WDR75: variants seen among roughly 807,000 people sequenced by gnomAD.
WDR75 encodes WD repeat-containing protein 75.
In WDR75, 52 loss-of-function variants were observed where a neutral mutation model predicts 106.1. The observed-to-expected ratio is 0.49, with a 90% CI of 0.39 to 0.62. WDR75 has a LOEUF of 0.62. Ranked by LOEUF, WDR75 falls within the 20% of genes least tolerant of loss-of-function variation. The probability of loss-of-function intolerance (pLI) is 0.00; values close to 1 mark genes in which losing one functional copy is unlikely to be tolerated. For missense variants in WDR75, 905 were observed against 970.3 expected, an observed-to-expected ratio of 0.93 and a Z score of 0.89; for synonymous variants, 333 against 335.5, an observed-to-expected ratio of 0.99 and a Z score of 0.08.
intron 18 of WDR75, among the ~76,000 whole-genome samples, chr2:189,471,508 G>T (rs1687120664): frequency 6.6e-6 from 1 of 152,192 alleles, no homozygotes; most frequent in African/African-American, 2.4e-5. Flanking sequence ...TTTCTGTGGA[G>T]TTAATGATTG....
At chr2:189,470,987 T>A in intron 18 of WDR75, 109 bp downstream of exon 18, 1 of 742,012 alleles carries the variant, frequency 1.3e-6, no homozygotes, top group Non-Finnish European at 2.0e-6. Flanking sequence ...AAAATAGAAT[T>A]AAAAGCCATA....
intron 18 of WDR75, among the ~76,000 whole-genome samples, 183 bp downstream of exon 18, chr2:189,471,061 T>C (rs1482923162): frequency 2.0e-5 from 3 of 152,138 alleles, no homozygotes; most frequent in African/African-American, 7.2e-5. Context: ...TTTTAATTTA[T>C]AATATCAGTA....
At position 189,469,430 on chromosome 2, in the gene WDR75, G is replaced by A. The variant is rs764562400; in HGVS notation, c.1810G>A (p.Gly604Ser). 6.2e-7 allele frequency: 1 copy of A among 1,611,058 alleles called. No individual in the cohort carries two copies. The highest frequency in any genetic ancestry group is 8.5e-7 in the Non-Finnish European group (1 of 1,177,476). Residue 604 changes from glycine (G) to serine (S), a missense_variant, in exon 16 of 21, where the codon GGT becomes AGT. Gly to Ser is a moderately conservative substitution (Grantham distance 56). Coordinates refer to ENST00000314761, the MANE Select transcript of WDR75 (RefSeq NM_032168.3). ...NIAAISQSSV[G>S]SDLFVFKPSE... ...TGCTGCAATCTCTCAGTCTTCAGTG[G>A]GTTCAGACTGTAAGTACAAACCACA...
At chr2:189,473,989 CA>C (rs1174076710) in intron 18 of WDR75, among the ~76,000 whole-genome samples, 196 bp from the exon 19 acceptor site, 1 of 152,134 alleles carries the variant, frequency 6.6e-6, no homozygotes, top group Non-Finnish European at 1.5e-5. Context: ...TCTAAGTGTT[CA>C]CTGTTAGCTC....
chr2:189,448,440 G>A lies in WDR75; in HGVS notation c.148G>A (p.Val50Ile), dbSNP rs750483459. The A allele has an allele frequency of 1.2e-6, 2 of 1,613,988 alleles. No homozygotes were observed. The highest frequency in any genetic ancestry group is 3.3e-5 in the Admixed American group (2 of 60,022). ...TTACAGCACAGTTACAGAAGAGTGT[G>A]TACACATACTGCATGGACACAGAAA... ...KVYSTVTEEC[V>I]HILHGHRNLV... Residue 50 changes from valine to isoleucine, a missense_variant, in exon 2 of 21, where the codon GTA becomes ATA. Val to Ile is a conservative substitution (Grantham distance 29). Transcript: ENST00000314761.
chr2:189,458,767 C>A lies in WDR75; in HGVS notation c.584C>A (p.Ser195Ter). The change falls in exon 7 of 21, where the codon TCA (serine) becomes TAA (stop). Residue 195 changes from serine to a stop codon, truncating the protein, a stop_gained. Coordinates refer to ENST00000314761, the MANE Select transcript of WDR75 (RefSeq NM_032168.3). LOFTEE classifies it high-confidence loss of function. ...KKTTSRFTLS[S>*]SRNKKHAKNN... ...TTTTCTCCTAGGTTTACTTTATCATCATCAAGAAATAAGAAGCATGCTAAA... is the reference window on the plus strand; with the variant it reads ...TTTTCTCCTAGGTTTACTTTATCATAATCAAGAAATAAGAAGCATGCTAAA... 1.3e-6 allele frequency: 2 copies of A among 1,583,056 alleles called. No homozygotes were observed. Among genetic ancestry groups the A allele is most frequent in the Non-Finnish European group, 8.6e-7 (1 of 1,163,910 alleles).
At position 189,441,531 on chromosome 2, in the gene WDR75, C is replaced by G. The variant is rs1414530342; in HGVS notation, c.39C>G (p.Gly13=). 6.4e-7 allele frequency: 1 copy of G among 1,565,094 alleles called. No homozygotes were observed. The highest frequency in any genetic ancestry group is 1.7e-4 in the Middle Eastern group (1 of 6,008). The change falls in exon 1 of 21, where the codon GGC becomes GGG. Residue 13 remains glycine, a synonymous_variant. Coordinates refer to ENST00000314761, the MANE Select transcript of WDR75 (RefSeq NM_032168.3). ...EEENIRVVRC[G]GSELNFRRAV... ...AGAACATCCGCGTGGTTCGTTGTGG[C>G]GGCAGCGAGTTGAACTTTAGGAGAG...
chr2:189,444,776 C>T (rs1686460481), intron 1 of WDR75, among the ~76,000 whole-genome samples: 1 of 152,186 alleles, frequency 6.6e-6, no homozygotes, highest in Non-Finnish European at 1.5e-5. Flanking sequence ...TATAGCTCAA[C>T]TCTTCCTACC....
At chr2:189,468,628 C>G in intron 15 of WDR75, 59 bp downstream of exon 15, 1 of 1,564,974 alleles carries the variant, frequency 6.4e-7, no homozygotes, top group South Asian at 1.1e-5. Context: ...TGACATTAAA[C>G]TTTGGCATTT....
At chr2:189,469,929 T>C in intron 16 of WDR75, 147 bp from the exon 17 acceptor site, 1 of 682,808 alleles carries the variant, frequency 1.5e-6, no homozygotes, top group Non-Finnish European at 2.5e-6. Flanking sequence ...ACACAGTAGA[T>C]ACCTCTTGAA....
At chr2:189,445,668 CATGTACCAGTGTT>C (rs1306558125) in intron 1 of WDR75, among the ~76,000 whole-genome samples, 1 of 152,132 alleles carries the variant, frequency 6.6e-6, no homozygotes, top group Non-Finnish European at 1.5e-5. Flanking sequence ...AGTCAATAGT[CATGTACCAGTGTT>C]AATATCTTAG....
chr2:189,474,287 G>A lies in WDR75; in HGVS notation c.2151G>A (p.Glu717=). The A allele has an allele frequency of 1.2e-6, 2 of 1,613,806 alleles. No homozygotes were observed. Among genetic ancestry groups the A allele is most frequent in the South Asian group, 1.1e-5 (1 of 91,010 alleles). The change falls in exon 19 of 21, where the codon GAG becomes GAA. Residue 717 remains glutamate (E), a synonymous_variant. Coordinates refer to ENST00000314761, the MANE Select transcript of WDR75 (RefSeq NM_032168.3). ...AACTAAACGAAACTTTAGAGAATGA[G>A]CTGGTACAACTACCCTTAACAGAAA... ...DEKLNETLEN[E]LVQLPLTENI...
Position 189,474,347 on chromosome 2 carries a change from A to C in WDR75, c.2196+15A>C. ...CAATTAGTGAGGTAAGTAATTATGAAAACCATGTGAAACAGATTAAATGCA... is the reference window on the plus strand; with the variant it reads ...CAATTAGTGAGGTAAGTAATTATGACAACCATGTGAAACAGATTAAATGCA... On this transcript the variant is annotated intron_variant, in intron 19 of 20. Transcript: ENST00000314761. 1.9e-6 allele frequency: 3 copies of C among 1,593,506 alleles called. No homozygotes were observed. Among genetic ancestry groups the C allele is most frequent in the Non-Finnish European group, 2.6e-6 (3 of 1,173,292 alleles).
At chr2:189,451,115 A>G (rs1364067556) in intron 3 of WDR75, 147 bp downstream of exon 3, 4 of 1,114,380 alleles carry the variant, frequency 3.6e-6, no homozygotes, top group Admixed American at 3.9e-5. Flanking sequence ...TAATTTGACT[A>G]TATAAAAATT....
In WDR75 at chr2:189,441,582, T is replaced by A; in HGVS notation, c.86+4T>A. On this transcript the variant is annotated splice_donor_region_variant and intron_variant, in intron 1 of 20. Transcript: ENST00000314761. ...CTGTGTTCTCTGCAGATTCTAAGTATGAGGGGCACCGCGCTTTGTCGGCTG... is the reference window on the plus strand; with the variant it reads ...CTGTGTTCTCTGCAGATTCTAAGTAAGAGGGGCACCGCGCTTTGTCGGCTG... 6.4e-7 allele frequency: 1 copy of A among 1,555,336 alleles called. No individual in the cohort carries two copies. The highest frequency in any genetic ancestry group is 1.2e-5 in the South Asian group (1 of 84,432).
intron 4 of WDR75, 189 bp downstream of exon 4, chr2:189,452,084 G>T: frequency 1.6e-5 from 8 of 501,714 alleles, no homozygotes; most frequent in South Asian, 8.5e-5. Flanking sequence ...AGTGAGGGAG[G>T]GATTATTTTT....
intron 2 of WDR75, chr2:189,450,687 C>CTT: frequency 1.5e-6 from 2 of 1,355,744 alleles, no homozygotes; most frequent in Non-Finnish European, 1.9e-6. Flanking sequence ...TTTCCTCTCT[C>CTT]TTTTAGTTAA....
In WDR75 at chr2:189,475,338, T is replaced by A. The variant is rs1180577901; in HGVS notation, c.2414T>A (p.Ile805Lys). The A allele has an allele frequency of 1.9e-6, 3 of 1,612,684 alleles. No individual in the cohort carries two copies. The highest frequency in any genetic ancestry group is 2.5e-6 in the Non-Finnish European group (3 of 1,179,220). The change falls in exon 21 of 21, where the codon ATA (isoleucine) becomes AAA (lysine). Residue 805 changes from isoleucine to lysine, a missense_variant. Coordinates refer to ENST00000314761, the MANE Select transcript of WDR75 (RefSeq NM_032168.3). ...TSNTGLGEDI[I>K]HQLSKSEEKE... Reference sequence around the variant, plus strand: ...AACACAGGTTTAGGAGAAGACATTATACATCAGTTGTCAAAATCTGAAGAA... The same window carrying A: ...AACACAGGTTTAGGAGAAGACATTAAACATCAGTTGTCAAAATCTGAAGAA...
intron 3 of WDR75, 63 bp downstream of exon 3, chr2:189,451,031 AG>A: frequency 6.5e-7 from 1 of 1,543,786 alleles, no homozygotes. Flanking sequence ...ATTTAATGGT[AG>A]ATGTACTGTT....
Sources: allele counts gnomAD v4.1 joint callset (sites outside exome capture counted in the v4.1 genomes callset), GRCh38; gene constraint gnomAD v4.1.1; transcripts MANE v1.5; gene names NCBI Gene and HGNC (gene_info 2026-07-23, HGNC 2026-07-21).